The following SEMA6D variants were observed in gnomAD, a reference collection of about 807,000 sequenced individuals.
SEMA6D encodes the protein semaphorin-6D.
In SEMA6D, 35 loss-of-function variants were observed where a neutral mutation model predicts 106.6. The observed-to-expected ratio is 0.33, with a 90% CI of 0.25 to 0.44. The LOEUF is 0.44. Ranked by LOEUF, SEMA6D falls within the 20% of genes least tolerant of loss-of-function variation. The pLI is 1.00. For synonymous variants in SEMA6D, 499 were observed against 487.7 expected (o/e 1.02, Z -0.31); for missense variants, 1,185 against 1,345.9 (o/e 0.88, Z 1.87).
At chr15:47,562,166 A>G (rs1327941531) in intron 3 of SEMA6D, among the ~76,000 whole-genome samples, 1 of 152,196 alleles carries the variant, frequency 6.6e-6, no homozygotes, top group Admixed American at 6.5e-5. Flanking sequence ...CTGATTTTCA[A>G]CAGCAGCACA....
rs775086318 is a variant in SEMA6D, at chr15:47,726,027, G to A, written c.-55+8335G>A. ...TGTTGGGAACTCTTCAGGAATATTC[G>A]AGTGACATAAAGCAGAGAACCTGTT... is the stretch of plus-strand genomic sequence containing the variant. On this transcript the variant is annotated intron_variant, in intron 1 of 18. Coordinates refer to ENST00000536845, the MANE Select transcript of SEMA6D (RefSeq NM_001358351.3). Among the ~76,000 whole-genome samples, 15 of 152,210 alleles carry A rather than the reference G, an allele frequency of 9.9e-5. No individual in the cohort carries two copies. In the South Asian group the frequency reaches 1.0e-3, roughly 10 times the overall value.
intron 1 of SEMA6D, among the ~76,000 whole-genome samples, chr15:47,222,944 G>A (rs186589948): frequency 5.5e-4 from 83 of 152,246 alleles, no homozygotes; most frequent in African/African-American, 2.0e-3. Flanking sequence ...AACAGATTTA[G>A]TGACTAAAAA....
intron 1 of SEMA6D, among the ~76,000 whole-genome samples, chr15:47,312,446 A>G (rs185438511): frequency 1.4e-4 from 22 of 152,264 alleles, no homozygotes; most frequent in Non-Finnish European, 2.2e-4. Context: ...TTTCCTCGCC[A>G]TGATCTGTCA....
chr15:47,768,015 T>C (rs1215095991), intron 17 of SEMA6D, among the ~76,000 whole-genome samples: 1 of 152,170 alleles, frequency 6.6e-6, no homozygotes, highest in African/African-American at 2.4e-5. Context: ...TGTTTTACTG[T>C]GGGTGGCAGA....
chr15:47,260,906 C>T (rs912427222), intron 1 of SEMA6D, among the ~76,000 whole-genome samples: 13 of 152,078 alleles, frequency 8.5e-5, no homozygotes, highest in South Asian at 2.1e-4. Flanking sequence ...GTTGCAGTTT[C>T]GCATCAGAAA....
At chr15:47,350,781 C>T (rs2038292755) in intron 1 of SEMA6D, among the ~76,000 whole-genome samples, 1 of 152,044 alleles carries the variant, frequency 6.6e-6, no homozygotes, top group African/African-American at 2.4e-5. Flanking sequence ...ATTGTTTGAA[C>T]GTTAGTGAAA....
At chr15:47,236,630 A>G (rs186598298) in intron 1 of SEMA6D, among the ~76,000 whole-genome samples, 1 of 152,294 alleles carries the variant, frequency 6.6e-6, no homozygotes, top group African/African-American at 2.4e-5. Flanking sequence ...CTGTCTTCAG[A>G]TGAATCCTGC....
At chr15:47,770,142 A>C (rs935643146) in intron 18 of SEMA6D, among the ~76,000 whole-genome samples, 1 of 152,232 alleles carries the variant, frequency 6.6e-6, no homozygotes. Flanking sequence ...GAGACAAAAC[A>C]TATGAGTTTA....
At chr15:47,465,573 G>T (rs2141094372) in intron 2 of SEMA6D, among the ~76,000 whole-genome samples, 1 of 152,300 alleles carries the variant, frequency 6.6e-6, no homozygotes, top group South Asian at 2.1e-4. Flanking sequence ...GGTGGGAAGG[G>T]ATTGGATTGT....
chr15:47,248,254 A>G (rs1359466571), intron 1 of SEMA6D, among the ~76,000 whole-genome samples: 1 of 152,224 alleles, frequency 6.6e-6, no homozygotes, highest in East Asian at 1.9e-4. Flanking sequence ...CTTAGAAGCA[A>G]AAAAATTAAA....
intron 2 of SEMA6D, among the ~76,000 whole-genome samples, chr15:47,432,499 C>T (rs76410816): frequency 2.8e-3 from 96 of 34,296 alleles, no homozygotes; most frequent in South Asian, 5.3e-3. Context: ...TATATATATA[C>T]ACACACACAA....
chr15:47,286,541 G>C (rs1171269305), intron 1 of SEMA6D, among the ~76,000 whole-genome samples: 1 of 151,524 alleles, frequency 6.6e-6, no homozygotes, highest in Non-Finnish European at 1.5e-5. Context: ...AATTTTTTTT[G>C]CAAATTTCTT....
intron 2 of SEMA6D, among the ~76,000 whole-genome samples, chr15:47,427,908 C>G (rs902340966): frequency 1.3e-5 from 2 of 152,058 alleles, no homozygotes; most frequent in African/African-American, 4.8e-5. Flanking sequence ...CTCTCTTTCT[C>G]TGAGGAGCCT....
At chr15:47,604,246 AT>A in intron 4 of SEMA6D, 1 of 152,324 alleles carries the variant, frequency 6.6e-6, no homozygotes, top group East Asian at 1.9e-4. Context: ...GAAGAGAAAC[AT>A]TTCTTTCACA....
intron 1 of SEMA6D, among the ~76,000 whole-genome samples, chr15:47,390,554 A>G (rs1193382021): frequency 7.2e-6 from 1 of 139,208 alleles, no homozygotes; most frequent in African/African-American, 3.1e-5. Context: ...GCTCACCTTG[A>G]ACCAGCCTCA....
chr15:47,438,662 C>T (rs1442639265), intron 2 of SEMA6D, among the ~76,000 whole-genome samples: 17 of 151,870 alleles, frequency 1.1e-4, no homozygotes, highest in Admixed American at 9.9e-4. Context: ...GGCTAGCTCC[C>T]TCATCTCCTA....
chr15:47,484,124 TTC>T (rs1596118942), intron 3 of SEMA6D, among the ~76,000 whole-genome samples: 2 of 152,194 alleles, frequency 1.3e-5, no homozygotes, highest in African/African-American at 4.8e-5. Flanking sequence ...GAGGGCTCCC[TTC>T]TCTCTGTTCC....
chr15:47,370,878 T>C (rs1158155520), intron 1 of SEMA6D, among the ~76,000 whole-genome samples: 1 of 151,856 alleles, frequency 6.6e-6, no homozygotes, highest in East Asian at 1.9e-4. Flanking sequence ...AATAAATAAA[T>C]AAATAATGTA....
intron 1 of SEMA6D, among the ~76,000 whole-genome samples, chr15:47,192,183 C>T (rs574876581): frequency 3.9e-5 from 6 of 152,260 alleles, no homozygotes; most frequent in African/African-American, 1.4e-4. Context: ...TGTCTACACC[C>T]TCACTCTCAG....
Sources: allele counts gnomAD v4.1 joint callset (sites outside exome capture counted in the v4.1 genomes callset), GRCh38; gene constraint gnomAD v4.1.1; transcripts MANE v1.5; gene names NCBI Gene and HGNC (gene_info 2026-07-23, HGNC 2026-07-21).